The following ZNF320 variants were observed in gnomAD, a reference collection of about 807,000 sequenced individuals.
ZNF320 encodes the protein zinc finger gene 320.
ZNF320 carries 2 observed loss-of-function variants against 6.8 expected under a neutral mutation model. The ratio of observed to expected loss-of-function variants is 0.29; its 90% CI spans 0.12 to 0.93. ZNF320 has a LOEUF of 0.93. ZNF320 is among the 40% of genes least tolerant of loss of function. The pLI is 0.55. For missense variants in ZNF320, 472 were observed against 611.0 expected (o/e 0.77, Z 2.40); for synonymous variants, 208 against 203.2 (o/e 1.02, Z -0.20).
chr19:52,868,169 A>G lies in ZNF320; in HGVS notation c.224-4010T>C, dbSNP rs187571169. Among the ~76,000 whole-genome samples the G allele has an allele frequency of 9.5e-4, 144 of 152,268 alleles. 2 individuals carry two copies. In the East Asian group the frequency reaches 0.025, roughly 26 times the overall value. ...AGGCAGTTTACAGCCTGTCATATAAAAGCTGCAATGTGTGAAGCCATCTAA... is the reference window on the plus strand; with the variant it reads ...AGGCAGTTTACAGCCTGTCATATAAGAGCTGCAATGTGTGAAGCCATCTAA... On this transcript the variant is annotated intron_variant, in intron 5 of 5. Transcript: ENST00000673631.
At chr19:52,886,493 G>A (rs1474552734) in intron 5 of ZNF320, among the ~76,000 whole-genome samples, 1 of 152,128 alleles carries the variant, frequency 6.6e-6, no homozygotes, top group Non-Finnish European at 1.5e-5. Flanking sequence ...TAACATACCT[G>A]CAACAATAAC....
intron 5 of ZNF320, among the ~76,000 whole-genome samples, chr19:52,868,566 T>C (rs1177822297): frequency 3.3e-5 from 5 of 150,936 alleles, no homozygotes; most frequent in Non-Finnish European, 7.4e-5. Context: ...CTCAAATAAG[T>C]ACAGCAGGCC....
chr19:52,866,869 C>CAAAAAAAAAAAAA (rs58231328), intron 5 of ZNF320, among the ~76,000 whole-genome samples: 59 of 108,776 alleles, frequency 5.4e-4, no homozygotes, highest in Non-Finnish European at 7.4e-4. Context: ...ACAAAACATA[C>CAAAAAAAAAAAAA]AAAAAAAAAA....
intron 1 of ZNF320, among the ~76,000 whole-genome samples, chr19:52,896,122 C>T (rs1009694911): frequency 6.6e-6 from 1 of 152,064 alleles, no homozygotes; most frequent in African/African-American, 2.4e-5. Flanking sequence ...GACGGAGTCT[C>T]GCTCTGTCAC....
chr19:52,877,762 T>C lies in ZNF320; in HGVS notation c.*2834A>G, dbSNP rs975037444. On this transcript the variant is annotated 3_prime_UTR_variant, in exon 6 of 6. Transcript: ENST00000682928. ...TAATTTTTATTTTCCTTTCACAAGC[T>C]TGTGACAGCCATAATGCTTTGACAC... 4 of 152,228 alleles carry C rather than the reference T, an allele frequency of 2.6e-5. No homozygotes were observed. Among genetic ancestry groups the C allele is most frequent in the African/African-American group, 9.6e-5 (4 of 41,454 alleles). 9.4% of individuals were successfully genotyped at this position (152,228 alleles called of 1,614,324 possible).
chr19:52,868,623 GGGACAAACTTGATTCTT>G (rs1310529536), intron 5 of ZNF320, among the ~76,000 whole-genome samples: 1 of 152,098 alleles, frequency 6.6e-6, no homozygotes, highest in Non-Finnish European at 1.5e-5. Context: ...CAGTAAGTGA[GGGACAAACTTGATTCTT>G]GGCCTGAAGG....
At chr19:52,873,879 T>C, downstream of ZNF320, 1 of 312,432 alleles carries the variant, frequency 3.2e-6, no homozygotes, top group Non-Finnish European at 6.5e-6. Context: ...TGGGTGAGTG[T>C]GAGCAAACGT....
chr19:52,886,106 A>T (rs141871922), intron 5 of ZNF320, among the ~76,000 whole-genome samples: 1 of 108,598 alleles, frequency 9.2e-6, no homozygotes, highest in Non-Finnish European at 2.1e-5. Flanking sequence ...GAGAAGAAGT[A>T]GTTTTTGTAG....
chr19:52,875,978 T>C (rs962058239), downstream of ZNF320, among the ~76,000 whole-genome samples: 4 of 152,136 alleles, frequency 2.6e-5, no homozygotes, highest in African/African-American at 9.7e-5. Flanking sequence ...AGAGAGGCAG[T>C]GGTACAAATG....
upstream of ZNF320, among the ~76,000 whole-genome samples, chr19:52,902,140 C>T (rs1202749523): frequency 1.3e-5 from 2 of 152,120 alleles, no homozygotes; most frequent in Admixed American, 6.5e-5. Flanking sequence ...AAGGGCTGAC[C>T]GATTGATAAG....
chr19:52,866,009 T>TTA (rs1455025638), intron 5 of ZNF320, among the ~76,000 whole-genome samples: 1 of 91,618 alleles, frequency 1.1e-5, no homozygotes, highest in Non-Finnish European at 2.0e-5. Flanking sequence ...ACATATATAT[T>TTA]TATATATTAT....
intron 5 of ZNF320, among the ~76,000 whole-genome samples, chr19:52,887,467 G>T (rs1399941128): frequency 6.6e-6 from 1 of 152,220 alleles, no homozygotes; most frequent in Non-Finnish European, 1.5e-5. Flanking sequence ...GCCTCATTCT[G>T]AATGCTGTTG....
rs1460519154 is a variant in ZNF320 at position 52,866,043 on chromosome 19, C to CATATATATGATTATACATATATTT, written c.224-1908_224-1885dup. On this transcript the variant is annotated intron_variant, in intron 5 of 5. Coordinates refer to the ZNF320 transcript ENST00000673631. ...ATACATATTTATATATATGATTATA[C>CATATATATGATTATACATATATTT]ATATATATGATTATACATATATTTA... Among the ~76,000 whole-genome samples the CATATATATGATTATACATATATTT allele has an allele frequency of 8.7e-5, 11 of 126,548 alleles. 5 individuals carry two copies. The highest frequency in any genetic ancestry group is 4.7e-4 in the South Asian group (2 of 4,262). 83.0% of individuals were successfully genotyped at this position (126,548 alleles called of 152,430 possible).
chr19:52,885,831 G>A lies in ZNF320; in HGVS notation c.142+2296C>T, dbSNP rs114592208. On this transcript the variant is annotated intron_variant, in intron 5 of 5. Coordinates refer to ENST00000682928, the MANE Select transcript of ZNF320 (RefSeq NM_001351774.2). Reference sequence around the variant, plus strand: ...TGAGGCAGGAGAATTGGTTGAACCGGGGAGGTGGAGGTTGTGGTGTCAAGA... The same window carrying A: ...TGAGGCAGGAGAATTGGTTGAACCGAGGAGGTGGAGGTTGTGGTGTCAAGA... Among the ~76,000 whole-genome samples, 175 of 152,264 alleles carry A rather than the reference G, an allele frequency of 1.1e-3. 2 individuals are homozygous for A. Among genetic ancestry groups the A allele is most frequent in the African/African-American group, 3.9e-3 (160 of 41,552 alleles).
chr19:52,886,157 T>C (rs1212074185), intron 5 of ZNF320, among the ~76,000 whole-genome samples: 1 of 152,022 alleles, frequency 6.6e-6, no homozygotes, highest in Non-Finnish European at 1.5e-5. Flanking sequence ...TTTTTTGACA[T>C]GGAGTCTCAC....
intron 3 of ZNF320, 68 bp from the exon 4 acceptor site, chr19:52,890,396 C>T: frequency 8.0e-7 from 1 of 1,251,872 alleles, no homozygotes; most frequent in South Asian, 1.4e-5. Flanking sequence ...CACAATGACA[C>T]ATACAAAGGA....
upstream of ZNF320, among the ~76,000 whole-genome samples, chr19:52,901,726 A>G (rs989078639): frequency 6.6e-6 from 1 of 152,208 alleles, no homozygotes; most frequent in African/African-American, 2.4e-5. Flanking sequence ...TTTGTTATTT[A>G]TTAAAGGGAC....
In ZNF320 at chr19:52,881,031, A is replaced by G. The variant is rs770951436; in HGVS notation, c.1095T>C (p.Ala365=). ...KPYKCKVCDK[A]FRSDSRLAEH... ...CTGCAAGACGTGAATCACTCCGGAA[A>G]GCCTTGTCACAAACCTTACATTTGT... Residue 365 remains alanine (A), a synonymous_variant, in exon 6 of 6, where the codon GCT becomes GCC. Transcript: ENST00000682928. 1 of 1,613,678 alleles carries G rather than the reference A, an allele frequency of 6.2e-7. No individual in the cohort carries two copies. Among genetic ancestry groups the G allele is most frequent in the South Asian group, 1.1e-5 (1 of 91,054 alleles).
At chr19:52,860,257 C>T (rs1046333196), downstream of ZNF320, among the ~76,000 whole-genome samples, 1 of 152,048 alleles carries the variant, frequency 6.6e-6, no homozygotes, top group Non-Finnish European at 1.5e-5. Context: ...GATATGTCTA[C>T]CTGCCGGTCT....
Sources: allele counts gnomAD v4.1 joint callset (sites outside exome capture counted in the v4.1 genomes callset), GRCh38; gene constraint gnomAD v4.1.1; transcripts MANE v1.5; gene names NCBI Gene and HGNC (gene_info 2026-07-23, HGNC 2026-07-21).